The following GPRIN3 variants were observed in gnomAD, a reference collection of about 807,000 sequenced individuals.
GPRIN3 encodes G protein-regulated inducer of neurite outgrowth 3.
GPRIN3 carries 12 observed loss-of-function variants against 13.7 expected under a neutral mutation model. That is an observed-to-expected ratio of 0.87 (90% CI 0.56 to 1.42). The LOEUF (loss-of-function observed/expected upper bound fraction) is 1.42. Ranked by LOEUF, GPRIN3 falls within the 40% of genes most tolerant of loss-of-function variation. GPRIN3 has a pLI of 0.00. For missense variants in GPRIN3, 1,009 were observed against 958.7 expected, an observed-to-expected ratio of 1.05 and a Z score of -0.69; for synonymous variants, 377 against 372.7, an observed-to-expected ratio of 1.01 and a Z score of -0.13.
rs776905612 is a variant in GPRIN3, at chr4:89,240,497, C to T, written c.*7283G>A. On this transcript the variant is annotated 3_prime_UTR_variant, in exon 2 of 2. Coordinates refer to ENST00000609438, the MANE Select transcript of GPRIN3 (RefSeq NM_198281.3). ...GGATCCATTTCCAAAAAATGTAGGG[C>T]TTTTATTGGTTTGTGCAAATCAACA... The T allele has an allele frequency of 1.1e-4, 16 of 152,234 alleles. No individual in the cohort carries two copies. Among genetic ancestry groups the T allele is most frequent in the Middle Eastern group, 3.4e-3 (1 of 294 alleles). 9.4% of individuals were successfully genotyped at this position (152,234 alleles called of 1,614,324 possible). A position where few individuals can be genotyped will look rare whatever the true frequency, so the allele number is the denominator to read the frequency against.
At chr4:89,278,628 C>T (rs1724159541) in intron 1 of GPRIN3, among the ~76,000 whole-genome samples, 1 of 152,206 alleles carries the variant, frequency 6.6e-6, no homozygotes, top group Non-Finnish European at 1.5e-5. Context: ...ATAGCACTTA[C>T]TTTGATTAGC....
intron 1 of GPRIN3, among the ~76,000 whole-genome samples, chr4:89,281,104 G>A (rs1724237506): frequency 6.6e-6 from 1 of 151,790 alleles, no homozygotes; most frequent in Admixed American, 6.6e-5. Context: ...GCAAGACAGA[G>A]AGCAAGGTCC....
At chr4:89,266,937 T>A (rs1317259657) in intron 1 of GPRIN3, among the ~76,000 whole-genome samples, 4 of 152,236 alleles carry the variant, frequency 2.6e-5, no homozygotes, top group Non-Finnish European at 2.9e-5. Context: ...ATCAATTAAT[T>A]GTGATGCTAT....
chr4:89,279,791 C>CT (rs1164323198), intron 1 of GPRIN3, among the ~76,000 whole-genome samples: 1 of 149,584 alleles, frequency 6.7e-6, no homozygotes, highest in African/African-American at 2.4e-5. Flanking sequence ...TTCTTCAGTT[C>CT]TTTTTTCTCA....
At chr4:89,255,947 CT>C (rs1476116187) in intron 1 of GPRIN3, among the ~76,000 whole-genome samples, 1 of 152,210 alleles carries the variant, frequency 6.6e-6, no homozygotes, top group African/African-American at 2.4e-5. Flanking sequence ...ACAGCAGACT[CT>C]TTTGGCACCT....
intron 1 of GPRIN3, among the ~76,000 whole-genome samples, chr4:89,279,261 A>C (rs540868759): frequency 2.6e-5 from 4 of 152,336 alleles, no homozygotes; most frequent in African/African-American, 9.6e-5. Context: ...AACTGCCTTT[A>C]AAACATGTCC....
At chr4:89,276,296 G>A (rs1561211368) in intron 1 of GPRIN3, among the ~76,000 whole-genome samples, 2 of 151,944 alleles carry the variant, frequency 1.3e-5, no homozygotes, top group African/African-American at 2.4e-5. Flanking sequence ...CTCTTTAGGT[G>A]TCTTTAAAAT....
intron 1 of GPRIN3, among the ~76,000 whole-genome samples, chr4:89,259,124 A>G (rs1047164687): frequency 1.3e-5 from 2 of 152,058 alleles, no homozygotes; most frequent in Admixed American, 6.5e-5. Flanking sequence ...TCTAAAGACT[A>G]CCACTTGAAG....
chr4:89,259,828 A>T (rs1353743844), intron 1 of GPRIN3, among the ~76,000 whole-genome samples: 1 of 152,172 alleles, frequency 6.6e-6, no homozygotes, highest in Admixed American at 6.5e-5. Flanking sequence ...GCTATGCCAT[A>T]ATAGGCTGAG....
rs1031835415 is a variant in GPRIN3, at chr4:89,247,304, A to G, written c.*476T>C. On this transcript the variant is annotated 3_prime_UTR_variant, in exon 2 of 2. Coordinates refer to ENST00000609438, the MANE Select transcript of GPRIN3 (RefSeq NM_198281.3). ...TCATTATGGTTCTTATCACCTATTT[A>G]TAATTTGTGTGGTTACAGCATTCTT... 6 of 153,040 alleles carry G rather than the reference A, an allele frequency of 3.9e-5. No homozygotes were observed. Among genetic ancestry groups the G allele is most frequent in the African/African-American group, 1.4e-4 (6 of 41,462 alleles). 9.5% of individuals were successfully genotyped at this position (153,040 alleles called of 1,614,324 possible).
chr4:89,243,554 C>G lies in GPRIN3; in HGVS notation c.*4226G>C, dbSNP rs2149248142. On this transcript the variant is annotated 3_prime_UTR_variant, in exon 2 of 2. Transcript: ENST00000609438. The stretch of plus-strand genomic sequence containing the variant: ...AGGGGATGTTTGACTTCTGATTTCA[C>G]CATGTACACAAAAACAGAGTGGGAA... The G allele has an allele frequency of 6.6e-6, 1 of 152,296 alleles. No individual in the cohort carries two copies. Among genetic ancestry groups the G allele is most frequent in the Non-Finnish European group, 1.5e-5 (1 of 68,024 alleles). The allele number at this position is 152,296 out of a possible 1,614,324, so 9.4% of individuals were successfully genotyped here.
chr4:89,257,155 G>T (rs1007192807), intron 1 of GPRIN3, among the ~76,000 whole-genome samples: 1 of 152,216 alleles, frequency 6.6e-6, no homozygotes, highest in African/African-American at 2.4e-5. Flanking sequence ...AAGGAAGACT[G>T]CTTTGCTTAG....
intron 1 of GPRIN3, among the ~76,000 whole-genome samples, chr4:89,269,025 T>C (rs1456871128): frequency 6.6e-6 from 1 of 152,186 alleles, no homozygotes; most frequent in African/African-American, 2.4e-5. Context: ...GTTTGAGGTA[T>C]GATTGATATG....
rs1722836800 is a variant in GPRIN3, at chr4:89,238,264, T to G, written c.*9516A>C. On this transcript the variant is annotated 3_prime_UTR_variant, in exon 2 of 2. Coordinates refer to ENST00000609438, the MANE Select transcript of GPRIN3 (RefSeq NM_198281.3). The stretch of plus-strand genomic sequence containing the variant: ...TCTTGTACCTCTCCTTCTTTACAGA[T>G]CCTTGATGAATTGAAGATATTCAAG... The G allele has an allele frequency of 1.3e-5, 2 of 152,190 alleles. No individual in the cohort carries two copies. Among genetic ancestry groups the G allele is most frequent in the East Asian group, 3.8e-4 (2 of 5,200 alleles). 9.4% of individuals were successfully genotyped at this position (152,190 alleles called of 1,614,324 possible).
Position 89,248,090 on chromosome 4 carries a change from T to G in GPRIN3, c.2021A>C (p.Gln674Pro). The G allele has an allele frequency of 6.2e-7, 1 of 1,614,200 alleles. No homozygotes were observed. Among genetic ancestry groups the G allele is most frequent in the South Asian group, 1.1e-5 (1 of 91,090 alleles). ...CCTGACACGCTTGGACTGTTTCAGC[T>G]GGAGCTTGGAGTCTGCGCCAAGCTG... ...KKQLGADSKL[Q>P]LKQSKRVRDV... Residue 674 changes from glutamine to proline, a missense_variant, in exon 2 of 2, where the codon CAG becomes CCG. Gln to Pro is a moderately conservative substitution (Grantham distance 76, BLOSUM62 -1). Transcript: ENST00000609438.
intron 1 of GPRIN3, chr4:89,251,115 T>G (rs1415851965): frequency 6.6e-6 from 1 of 152,126 alleles, no homozygotes; most frequent in African/African-American, 2.4e-5. Flanking sequence ...TTAACATTTA[T>G]GAGGAGATCA....
At chr4:89,279,777 G>A (rs1724195355) in intron 1 of GPRIN3, among the ~76,000 whole-genome samples, 1 of 152,054 alleles carries the variant, frequency 6.6e-6, no homozygotes, top group African/African-American at 2.4e-5. Context: ...CCTCCTTAAT[G>A]CCATTCTTCA....
At chr4:89,260,664 G>A (rs962021106) in intron 1 of GPRIN3, among the ~76,000 whole-genome samples, 13 of 152,138 alleles carry the variant, frequency 8.5e-5, no homozygotes, top group South Asian at 6.2e-4. Context: ...CAGGGAAAAG[G>A]CCAATATTTC....
At chr4:89,283,120 G>A (rs1724301398) in intron 1 of GPRIN3, among the ~76,000 whole-genome samples, 1 of 152,176 alleles carries the variant, frequency 6.6e-6, no homozygotes, top group South Asian at 2.1e-4. Context: ...GGCTATGAGA[G>A]GAAGTAAAGA....
Sources: gnomAD v4.1 joint callset for allele counts (sites outside exome capture counted in the v4.1 genomes callset) on GRCh38, gnomAD v4.1.1 for gene constraint, MANE v1.5 for transcripts, NCBI Gene and HGNC (gene_info 2026-07-23, HGNC 2026-07-21) for gene names.